Variants in WWTR1 observed in about 807,000 individuals in gnomAD.
The protein encoded by WWTR1 is WW domain containing transcription regulator 1.
In WWTR1, 13 loss-of-function variants were observed where a neutral mutation model predicts 40.1. The ratio of observed to expected loss-of-function variants is 0.32; its 90% confidence interval spans 0.21 to 0.52. The LOEUF (loss-of-function observed/expected upper bound fraction) is 0.52. WWTR1 is among the 20% of genes least tolerant of loss of function. WWTR1 has a pLI of 0.97. For synonymous variants in WWTR1, 230 were observed against 210.1 expected, an observed-to-expected ratio of 1.09 and a Z score of -0.82; for missense variants, 436 against 523.1, an observed-to-expected ratio of 0.83 and a Z score of 1.63.
intron 2 of WWTR1, among the ~76,000 whole-genome samples, chr3:149,664,603 T>C (rs1223004802): frequency 6.6e-6 from 1 of 152,014 alleles, no homozygotes; most frequent in Non-Finnish European, 1.5e-5. Flanking sequence ...TTTTTTTTTT[T>C]TTGAGACGGA....
chr3:149,649,302 G>T (rs964442822), intron 2 of WWTR1, among the ~76,000 whole-genome samples: 7 of 152,080 alleles, frequency 4.6e-5, no homozygotes, highest in African/African-American at 1.7e-4. Context: ...AAGTTCAAAT[G>T]ATTTCTAGTT....
At chr3:149,671,923 T>A (rs1041582013) in intron 1 of WWTR1, among the ~76,000 whole-genome samples, 1 of 152,162 alleles carries the variant, frequency 6.6e-6, no homozygotes, top group East Asian at 1.9e-4. Flanking sequence ...CTCAACACAA[T>A]CAAAGCCTAT....
intron 2 of WWTR1, among the ~76,000 whole-genome samples, chr3:149,574,695 T>C (rs887228880): frequency 6.6e-6 from 1 of 152,088 alleles, no homozygotes; most frequent in Non-Finnish European, 1.5e-5. Flanking sequence ...TTATTCAGAT[T>C]TCTTAATGCA....
intron 1 of WWTR1, among the ~76,000 whole-genome samples, chr3:149,694,601 T>A (rs983012668): frequency 6.6e-6 from 1 of 152,092 alleles, no homozygotes; most frequent in African/African-American, 2.4e-5. Flanking sequence ...ATCAGAGAAA[T>A]GCAAACCAAA....
chr3:149,542,138 C>T (rs1736133315), intron 4 of WWTR1, among the ~76,000 whole-genome samples, 197 bp downstream of exon 4: 1 of 152,212 alleles, frequency 6.6e-6, no homozygotes, highest in Admixed American at 6.5e-5. Context: ...TCCTTGTACC[C>T]TTAAGCTTCG....
rs1735001961 is a variant in WWTR1 at position 149,520,755 on chromosome 3, G to C, written c.*50C>G. Reference sequence around the variant, plus strand: ...CTCTGCTCCATCACTTTTTCCAAGAGGCCCAGGAAATGTAAGGTCATGGCT... The same window carrying C: ...CTCTGCTCCATCACTTTTTCCAAGACGCCCAGGAAATGTAAGGTCATGGCT... On this transcript the variant is annotated 3_prime_UTR_variant, in exon 7 of 7. Transcript: ENST00000360632. The C allele has an allele frequency of 6.9e-7, 1 of 1,454,900 alleles. No individual in the cohort carries two copies. The highest frequency in any genetic ancestry group is 1.6e-5 in the South Asian group (1 of 62,796). The allele number at this position is 1,454,900 out of a possible 1,614,324, so 90.1% of individuals were successfully genotyped here.
At chr3:149,713,053 G>A (rs563869819) in intron 5 of WWTR1, among the ~76,000 whole-genome samples, 2 of 152,220 alleles carry the variant, frequency 1.3e-5, no homozygotes, top group South Asian at 4.2e-4. Context: ...CATCTGCTGC[G>A]TATGAGAGTG....
intron 2 of WWTR1, among the ~76,000 whole-genome samples, chr3:149,591,261 AT>A (rs1228979753): frequency 6.6e-6 from 1 of 152,220 alleles, no homozygotes; most frequent in East Asian, 1.9e-4. Context: ...GCCATGAGCA[AT>A]GCTGGAACCC....
intron 2 of WWTR1, among the ~76,000 whole-genome samples, chr3:149,591,701 A>G (rs1239492706): frequency 6.6e-6 from 1 of 152,222 alleles, no homozygotes; most frequent in African/African-American, 2.4e-5. Flanking sequence ...TTTGCAATGT[A>G]TTCTGAAATT....
chr3:149,676,453 T>C (rs1398753723), intron 1 of WWTR1, among the ~76,000 whole-genome samples: 1 of 24,514 alleles, frequency 4.1e-5, no homozygotes, highest in Non-Finnish European at 9.5e-5. Context: ...TTCTTTGTGT[T>C]TTTTTTGCGG....
chr3:149,583,246 A>T (rs1738240988), intron 2 of WWTR1, among the ~76,000 whole-genome samples: 1 of 152,236 alleles, frequency 6.6e-6, no homozygotes, highest in Non-Finnish European at 1.5e-5. Context: ...GATGACAGGC[A>T]TGAGCCACCA....
chr3:149,619,055 G>GA (rs1740141391), intron 2 of WWTR1, among the ~76,000 whole-genome samples: 1 of 152,212 alleles, frequency 6.6e-6, no homozygotes, highest in Non-Finnish European at 1.5e-5. Flanking sequence ...GAGACAGACA[G>GA]AAACAATGGC....
intron 2 of WWTR1, among the ~76,000 whole-genome samples, chr3:149,624,713 T>G (rs1386732108): frequency 6.6e-6 from 1 of 152,168 alleles, no homozygotes; most frequent in Non-Finnish European, 1.5e-5. Context: ...TTTAACCTTT[T>G]TTTTTAGATG....
At chr3:149,566,450 C>T (rs911366289) in intron 3 of WWTR1, among the ~76,000 whole-genome samples, 2 of 152,084 alleles carry the variant, frequency 1.3e-5, no homozygotes, top group African/African-American at 4.8e-5. Flanking sequence ...GCACTTTAGG[C>T]TAATCTATGC....
intron 1 of WWTR1, among the ~76,000 whole-genome samples, chr3:149,696,647 A>G (rs1715002530): frequency 6.6e-6 from 1 of 152,176 alleles, no homozygotes; most frequent in African/African-American, 2.4e-5. Flanking sequence ...CCAGTCCCTG[A>G]AGGTCTTTTG....
At chr3:149,637,646 G>A (rs538409462) in intron 2 of WWTR1, among the ~76,000 whole-genome samples, 2 of 152,246 alleles carry the variant, frequency 1.3e-5, no homozygotes, top group African/African-American at 4.8e-5. Flanking sequence ...TTGGAGAAAT[G>A]AAATAAACCC....
At chr3:149,609,146 A>G (rs911294312) in intron 2 of WWTR1, among the ~76,000 whole-genome samples, 3 of 152,228 alleles carry the variant, frequency 2.0e-5, no homozygotes, top group African/African-American at 7.2e-5. Flanking sequence ...GTCCAACTTC[A>G]TCATGTACCA....
At chr3:149,547,075 C>A (rs1178617134) in intron 3 of WWTR1, among the ~76,000 whole-genome samples, 1 of 152,022 alleles carries the variant, frequency 6.6e-6, no homozygotes, top group Non-Finnish European at 1.5e-5. Context: ...CCGCTTTTGA[C>A]ACTGAGGGCA....
At chr3:149,566,860 G>A (rs1018726730) in intron 3 of WWTR1, among the ~76,000 whole-genome samples, 4 of 151,576 alleles carry the variant, frequency 2.6e-5, no homozygotes, top group African/African-American at 7.3e-5. Context: ...AGTACAGCTC[G>A]AGACACAGAC....
Sources: allele counts gnomAD v4.1 joint callset (sites outside exome capture counted in the v4.1 genomes callset), GRCh38; gene constraint gnomAD v4.1.1; transcripts MANE v1.5; gene names NCBI Gene and HGNC (gene_info 2026-07-23, HGNC 2026-07-21).